REV1: variants seen among roughly 807,000 people sequenced by gnomAD.
REV1 encodes the protein REV1 DNA directed polymerase.
In REV1, 42 loss-of-function variants were observed where a neutral mutation model predicts 137.4. The observed-to-expected ratio is 0.31, with a 90% CI of 0.24 to 0.40. REV1 has a LOEUF of 0.40. REV1 is among the 10% of genes least tolerant of loss of function. The pLI, the probability that REV1 is intolerant of heterozygous loss-of-function variation, is 1.00. For synonymous variants in REV1, 524 were observed against 519.2 expected (o/e 1.01, Z -0.12); for missense variants, 1,282 against 1,490.1 (o/e 0.86, Z 2.30).
chr2:99,466,288 G>A (rs1684789191), intron 1 of REV1, among the ~76,000 whole-genome samples: 1 of 150,968 alleles, frequency 6.6e-6, no homozygotes, highest in African/African-American at 2.4e-5. Flanking sequence ...TGTCACCCAG[G>A]CTGAAGTGCA....
chr2:99,457,808 G>C (rs1340819535), intron 3 of REV1, among the ~76,000 whole-genome samples: 2 of 152,092 alleles, frequency 1.3e-5, no homozygotes, highest in African/African-American at 4.8e-5. Flanking sequence ...CATAGGTACA[G>C]TATTTGATAT....
At chr2:99,473,744 C>G (rs557178557) in intron 1 of REV1, among the ~76,000 whole-genome samples, 1 of 152,308 alleles carries the variant, frequency 6.6e-6, no homozygotes, top group African/African-American at 2.4e-5. Context: ...TTGATAAACA[C>G]AGAATTCAAA....
intron 1 of REV1, among the ~76,000 whole-genome samples, chr2:99,470,802 T>C (rs1423682873): frequency 2.0e-5 from 3 of 152,216 alleles, no homozygotes; most frequent in African/African-American, 7.2e-5. Context: ...AGGTTATAAA[T>C]GACCCGGTCT....
intron 9 of REV1, among the ~76,000 whole-genome samples, chr2:99,429,357 A>G (rs1337548407): frequency 6.6e-6 from 1 of 152,222 alleles, no homozygotes; most frequent in African/African-American, 2.4e-5. Flanking sequence ...AACACTCTTA[A>G]CACTTTTAAG....
Position 99,449,358 on chromosome 2 carries a change from G to T in REV1, c.328C>A (p.Arg110=). The change falls in exon 4 of 23, where the codon CGA becomes AGA. Residue 110 remains arginine (R), a synonymous_variant. Coordinates refer to ENST00000258428, the MANE Select transcript of REV1 (RefSeq NM_016316.4). ...IKELKGEKVI[R]PEWIVESIKA... Reference sequence around the variant, plus strand: ...TACCTTTCCACAATCCATTCTGGTCGAATTACTTTTTCCCCCTTTAATTCT... The same window carrying T: ...TACCTTTCCACAATCCATTCTGGTCTAATTACTTTTTCCCCCTTTAATTCT... The T allele has an allele frequency of 6.5e-7, 1 of 1,548,978 alleles. No homozygotes were observed. The highest frequency in any genetic ancestry group is 1.3e-5 in the South Asian group (1 of 76,940).
chr2:99,406,014 C>G lies in REV1; in HGVS notation c.2707G>C (p.Asp903His), dbSNP rs142684849. 8.4e-5 allele frequency: 136 copies of G among 1,613,912 alleles called. No homozygotes were observed. The highest frequency in any genetic ancestry group is 1.6e-4 in the Middle Eastern group (1 of 6,084). Residue 903 changes from aspartate (D) to histidine (H), a missense_variant, in exon 17 of 23, where the codon GAT (aspartate) becomes CAT (histidine). By Grantham distance (81) the Asp-to-His change is moderately conservative. Coordinates refer to ENST00000258428, the MANE Select transcript of REV1 (RefSeq NM_016316.4). Reference protein sequence around the residue: ...PFPAHLPTSPDTNKAESSGKW... With the variant: ...PFPAHLPTSPHTNKAESSGKW... ...CCTGAAGACTCAGCCTTGTTAGTAT[C>G]AGGACTGGTCGGCAGATGTGCAGGA...
chr2:99,472,475 G>A (rs1685527722), intron 1 of REV1, among the ~76,000 whole-genome samples: 1 of 152,222 alleles, frequency 6.6e-6, no homozygotes, highest in Non-Finnish European at 1.5e-5. Flanking sequence ...ACAACAATGT[G>A]AATGTACTTA....
Position 99,442,407 on chromosome 2 carries a change from A to T in REV1, c.413T>A (p.Val138Glu), listed in dbSNP as rs1471810979. ...AGGATTAAAGCTGAGACCTTTCTGC[A>T]CACTGGACTGCTTGGTGTACAGCTG... Reference protein sequence around the residue: ...PYQLYTKQSSVQKGLSFNPVC... With the variant: ...PYQLYTKQSSEQKGLSFNPVC... Residue 138 changes from valine (V) to glutamate (E), a missense_variant, in exon 5 of 23, where the codon GTG (valine) becomes GAG (glutamate). Around this residue, in one of 7 missense-constraint regions of REV1, gnomAD observed 432 missense variants for 438.0 expected, o/e 0.99. Transcript: ENST00000258428. 3.7e-6 allele frequency: 6 copies of T among 1,614,024 alleles called. No homozygotes were observed. The highest frequency in any genetic ancestry group is 5.1e-6 in the Non-Finnish European group (6 of 1,179,942).
chr2:99,469,022 G>C (rs1402600010), intron 1 of REV1, among the ~76,000 whole-genome samples: 1 of 152,198 alleles, frequency 6.6e-6, no homozygotes, highest in Non-Finnish European at 1.5e-5. Flanking sequence ...ATGTGATTCA[G>C]AGTGAGTCTA....
intron 2 of REV1, 25 bp downstream of exon 2, chr2:99,464,897 T>C: frequency 6.2e-7 from 1 of 1,604,758 alleles, no homozygotes; most frequent in Non-Finnish European, 8.5e-7. Context: ...TTCGATATAA[T>C]TATTTTTACT....
Position 99,466,721 on chromosome 2 carries a change from T to C in REV1, c.-10-1736A>G, listed in dbSNP as rs539959721. ...GAGAGACAAGATAATACAAACGTTT[T>C]AGGGGCATGTGCAAGGTGCTCCGAG... On this transcript the variant is annotated intron_variant, in intron 1 of 22. Transcript: ENST00000258428. 1.4e-3 allele frequency among the ~76,000 whole-genome samples: 214 copies of C among 152,318 alleles called. 1 individual carries two copies. Among genetic ancestry groups the C allele is most frequent in the Middle Eastern group, 3.4e-3 (1 of 294 alleles).
chr2:99,437,611 C>T lies in REV1; in HGVS notation c.1213+990G>A, dbSNP rs28382889. The stretch of plus-strand genomic sequence containing the variant: ...AACGCTTTTAAACATTCAAGTAGTA[C>T]AGAATGCATAAGCCAGTATCTACCA... On this transcript the variant is annotated intron_variant, in intron 6 of 22. Coordinates refer to ENST00000258428, the MANE Select transcript of REV1 (RefSeq NM_016316.4). Among the ~76,000 whole-genome samples the T allele has an allele frequency of 4.6e-3, 696 of 152,216 alleles. 5 individuals are homozygous for T. The highest frequency in any genetic ancestry group is 0.016 in the African/African-American group (675 of 41,520).
rs1422349855 is a variant in REV1, at chr2:99,403,190, C to A, written c.3167-84G>T. ...CAGTATTGGGTTCTCTTTTCTCCTC[C>A]CAAATACAACAGGCTCCCTAGCCTA... is the stretch of plus-strand genomic sequence containing the variant. On this transcript the variant is annotated intron_variant, in intron 19 of 22. Coordinates refer to ENST00000258428, the MANE Select transcript of REV1 (RefSeq NM_016316.4). 5.3e-6 allele frequency: 6 copies of A among 1,130,610 alleles called. No homozygotes were observed. In the African/African-American group the frequency reaches 9.5e-5, roughly 18 times the overall value. 70.0% of individuals were successfully genotyped at this position (1,130,610 alleles called of 1,614,324 possible). A position where few individuals can be genotyped will look rare whatever the true frequency, so the allele number is the denominator to read the frequency against.
At chr2:99,481,481 G>A (rs189132321) in intron 1 of REV1, among the ~76,000 whole-genome samples, 184 of 152,288 alleles carry the variant, frequency 1.2e-3, no homozygotes, top group African/African-American at 4.4e-3. Context: ...TACAACAGAG[G>A]TAACTGGGTT....
At chr2:99,457,039 G>A (rs1033428974) in intron 3 of REV1, among the ~76,000 whole-genome samples, 1 of 152,056 alleles carries the variant, frequency 6.6e-6, no homozygotes, top group Non-Finnish European at 1.5e-5. Context: ...TAAACATTTC[G>A]ATTCCTTTAT....
chr2:99,480,172 A>G (rs1686462050), intron 1 of REV1, among the ~76,000 whole-genome samples: 1 of 152,170 alleles, frequency 6.6e-6, no homozygotes, highest in Non-Finnish European at 1.5e-5. Context: ...ATTTGTTTTT[A>G]ATTAGCCAGT....
chr2:99,457,193 T>C (rs1037434310), intron 3 of REV1, among the ~76,000 whole-genome samples: 6 of 152,174 alleles, frequency 3.9e-5, no homozygotes, highest in Admixed American at 6.5e-5. Flanking sequence ...TTTTCAAACA[T>C]AGTTCCTAAC....
At position 99,438,946 on chromosome 2, in the gene REV1, G is replaced by C. The variant is rs144301254; in HGVS notation, c.868C>G (p.Arg290Gly). The C allele has an allele frequency of 2.5e-6, 4 of 1,614,178 alleles. No homozygotes were observed. In the Admixed American group the frequency reaches 5.0e-5, roughly 20 times the overall value. Residue 290 changes from arginine (R) to glycine (G), a missense_variant, in exon 6 of 23, where the codon CGG (arginine) becomes GGG (glycine). By Grantham distance (125) the Arg-to-Gly change is moderately radical. Transcript: ENST00000258428. ...QQSTRNTDAL[R>G]NPHRTNSFSL... Reference sequence around the variant, plus strand: ...AAAGAATTAGTTCTGTGTGGATTCCGCAAAGCATCTGTGTTTCTGGTGCTT... The same window carrying C: ...AAAGAATTAGTTCTGTGTGGATTCCCCAAAGCATCTGTGTTTCTGGTGCTT...
intron 12 of REV1, among the ~76,000 whole-genome samples, chr2:99,416,771 G>C (rs956788916): frequency 1.3e-5 from 2 of 151,704 alleles, no homozygotes; most frequent in African/African-American, 4.8e-5. Flanking sequence ...AAAATTAGCC[G>C]GCTGTGTGGT....
Sources: allele counts gnomAD v4.1 joint callset (sites outside exome capture counted in the v4.1 genomes callset), GRCh38; gene constraint gnomAD v4.1.1; regional missense constraint gnomAD v4.1.1; transcripts MANE v1.5; gene names NCBI Gene and HGNC (gene_info 2026-07-23, HGNC 2026-07-21).